The following ZBTB20 variants were observed in gnomAD, a reference collection of about 807,000 sequenced individuals.
The protein encoded by ZBTB20 is zinc finger and BTB domain containing 20, also known as zinc finger and BTB domain-containing protein 20.
In ZBTB20, 9 loss-of-function variants were observed where a neutral mutation model predicts 56.9. That is an observed-to-expected ratio of 0.16 (90% CI 0.10 to 0.28). The LOEUF (loss-of-function observed/expected upper bound fraction) is 0.28. Among genes scored for constraint, ZBTB20 ranks in the 10% least tolerant of loss-of-function variants. ZBTB20 has a pLI of 1.00. For missense variants in ZBTB20, 655 were observed against 1,003.0 expected (o/e 0.65, Z 4.69); for synonymous variants, 417 against 420.7 (o/e 0.99, Z 0.11).
chr3:115,032,439 A>G (rs1429319676), intron 2 of ZBTB20, among the ~76,000 whole-genome samples: 1 of 151,470 alleles, frequency 6.6e-6, no homozygotes, highest in Admixed American at 6.6e-5. Flanking sequence ...ATTGAATAAA[A>G]TATTATAGAT....
intron 5 of ZBTB20, among the ~76,000 whole-genome samples, chr3:114,742,862 G>A (rs969365854): frequency 1.2e-4 from 18 of 152,130 alleles, no homozygotes; most frequent in African/African-American, 4.3e-4. Context: ...CTTTCTGGGT[G>A]ACTGTAACAT....
chr3:114,565,466 A>G (rs1246290324), intron 6 of ZBTB20, among the ~76,000 whole-genome samples: 2 of 152,184 alleles, frequency 1.3e-5, no homozygotes, highest in African/African-American at 4.8e-5. Flanking sequence ...GAGATTTAGC[A>G]CAGATTACAA....
chr3:114,454,469 C>T (rs1299462064), intron 7 of ZBTB20: 1 of 151,558 alleles, frequency 6.6e-6, no homozygotes, highest in Non-Finnish European at 1.5e-5. Flanking sequence ...CCTCTTACCC[C>T]CCAACAACAA....
intron 5 of ZBTB20, among the ~76,000 whole-genome samples, chr3:114,753,361 A>ATACACAC (rs372723817): frequency 0.2 from 28,450 of 144,844 alleles, 13,212 homozygotes; most frequent in Admixed American, 0.32. Flanking sequence ...CATTATATAT[A>ATACACAC]ATGTATATAT....
intron 4 of ZBTB20, among the ~76,000 whole-genome samples, chr3:114,899,513 A>G (rs2075022514): frequency 6.6e-6 from 1 of 152,056 alleles, no homozygotes; most frequent in African/African-American, 2.4e-5. Context: ...TATCTAGGGC[A>G]GTCAACAGCT....
At chr3:114,589,083 C>T (rs1218985041) in intron 6 of ZBTB20, among the ~76,000 whole-genome samples, 1 of 152,134 alleles carries the variant, frequency 6.6e-6, no homozygotes, top group Non-Finnish European at 1.5e-5. Context: ...AATTACTTCT[C>T]ACCAGGTCCC....
chr3:115,111,319 CAA>C (rs1244543950), intron 1 of ZBTB20, among the ~76,000 whole-genome samples: 8 of 151,744 alleles, frequency 5.3e-5, no homozygotes, highest in Non-Finnish European at 1.0e-4. Context: ...GTATTAATTA[CAA>C]AAAGAGTTAT....
At chr3:115,008,106 T>A (rs1403648075) in intron 2 of ZBTB20, among the ~76,000 whole-genome samples, 1 of 151,904 alleles carries the variant, frequency 6.6e-6, no homozygotes, top group Non-Finnish European at 1.5e-5. Context: ...CTCAAGTCTG[T>A]AGCTCCTGCC....
intron 3 of ZBTB20, among the ~76,000 whole-genome samples, chr3:114,958,828 C>A (rs1317058518): frequency 2.0e-5 from 3 of 149,806 alleles, no homozygotes; most frequent in Non-Finnish European, 4.4e-5. Context: ...TCCAGCCTGG[C>A]CAATAGAGTG....
chr3:114,859,357 C>T (rs115643136), intron 4 of ZBTB20, among the ~76,000 whole-genome samples: 1 of 149,468 alleles, frequency 6.7e-6, no homozygotes, highest in Admixed American at 6.7e-5. Flanking sequence ...CTCTCTCCCT[C>T]TCTTCTCCTT....
At chr3:114,804,432 C>T (rs1312801460) in intron 4 of ZBTB20, among the ~76,000 whole-genome samples, 1 of 151,924 alleles carries the variant, frequency 6.6e-6, no homozygotes, top group African/African-American at 2.4e-5. Context: ...AGGCACTTCT[C>T]TTATTGCTCT....
chr3:114,709,589 A>G (rs575409428), intron 5 of ZBTB20, among the ~76,000 whole-genome samples: 1 of 152,220 alleles, frequency 6.6e-6, no homozygotes, highest in Non-Finnish European at 1.5e-5. Flanking sequence ...CCACAGCTTT[A>G]GGAGGGGCAA....
chr3:115,134,493 T>TTC (rs2084600569), intron 1 of ZBTB20, among the ~76,000 whole-genome samples: 2 of 152,174 alleles, frequency 1.3e-5, no homozygotes. Flanking sequence ...CTTTTTTTTT[T>TTC]CAATATTTCA....
At chr3:115,008,435 C>G (rs1009118550) in intron 2 of ZBTB20, among the ~76,000 whole-genome samples, 5 of 151,936 alleles carry the variant, frequency 3.3e-5, no homozygotes, top group Non-Finnish European at 4.4e-5. Flanking sequence ...CATCAATATT[C>G]AACTGGTATT....
chr3:114,605,459 G>A (rs1274412387), intron 6 of ZBTB20, among the ~76,000 whole-genome samples: 1 of 152,186 alleles, frequency 6.6e-6, no homozygotes, highest in African/African-American at 2.4e-5. Context: ...AAAACATGGA[G>A]GTAGGTAAGT....
At chr3:115,060,609 C>T (rs921907431) in intron 2 of ZBTB20, among the ~76,000 whole-genome samples, 1 of 152,064 alleles carries the variant, frequency 6.6e-6, no homozygotes, top group Non-Finnish European at 1.5e-5. Flanking sequence ...CCACAGTGGA[C>T]AGTAAATTGC....
chr3:114,991,754 T>C (rs905305878), intron 2 of ZBTB20, among the ~76,000 whole-genome samples: 1 of 152,114 alleles, frequency 6.6e-6, no homozygotes, highest in African/African-American at 2.4e-5. Context: ...TCTTTGTAGG[T>C]CTCTAAGGAC....
intron 1 of ZBTB20, among the ~76,000 whole-genome samples, chr3:115,087,384 A>G (rs1160902484): frequency 6.6e-6 from 1 of 151,884 alleles, no homozygotes; most frequent in Non-Finnish European, 1.5e-5. Flanking sequence ...AATAGAGAAA[A>G]AAAGGCTTCA....
At chr3:115,096,996 A>G (rs1357520174) in intron 1 of ZBTB20, among the ~76,000 whole-genome samples, 1 of 152,212 alleles carries the variant, frequency 6.6e-6, no homozygotes, top group East Asian at 1.9e-4. Context: ...AAAAATGTGC[A>G]GAATAAAAAG....
Sources: gnomAD v4.1 joint callset for allele counts (sites outside exome capture counted in the v4.1 genomes callset) on GRCh38, gnomAD v4.1.1 for gene constraint, MANE v1.5 for transcripts, NCBI Gene and HGNC (gene_info 2026-07-23, HGNC 2026-07-21) for gene names.